Variants in RTN4R observed in about 807,000 individuals in gnomAD.
RTN4R encodes reticulon-4 receptor.
Under a neutral mutation model 27.7 loss-of-function variants are expected in RTN4R, and 4 were observed. The ratio of observed to expected loss-of-function variants is 0.14; its 90% CI spans 0.07 to 0.33. RTN4R has a LOEUF of 0.33. Ranked by LOEUF, RTN4R falls within the 10% of genes least tolerant of loss-of-function variation. The probability of loss-of-function intolerance (pLI) is 1.00; values close to 1 mark genes in which losing one functional copy is unlikely to be tolerated. For missense variants in RTN4R, 554 were observed against 671.5 expected, an observed-to-expected ratio of 0.83 and a Z score of 1.93; for synonymous variants, 290 against 305.6, an observed-to-expected ratio of 0.95 and a Z score of 0.53.
chr22:20,245,259 T>C (rs938920238), intron 1 of RTN4R, among the ~76,000 whole-genome samples: 4 of 152,088 alleles, frequency 2.6e-5, no homozygotes, highest in Admixed American at 2.6e-4. Context: ...CCGAGACAAC[T>C]GCTTTTCGTA....
At chr22:20,253,930 G>A (rs1271270778) in intron 1 of RTN4R, among the ~76,000 whole-genome samples, 3 of 152,180 alleles carry the variant, frequency 2.0e-5, no homozygotes, top group African/African-American at 7.2e-5. Flanking sequence ...AAATGAATGA[G>A]ATTTGGGAGA....
Position 20,241,943 on chromosome 22 carries a change from G to A in RTN4R, c.1190C>T (p.Ala397Val). ...TGGCTCGGAGCCCTCGGGCCGCACT[G>A]CAGTGAGCGGGGGCTCAGCAGAGCC... ...LPGSAEPPLT[A>V]VRPEGSEPPG... Residue 397 changes from alanine to valine, a missense_variant, in exon 2 of 2, where the codon GCA (alanine) becomes GTA (valine). Physicochemically the swap from Ala to Val is moderately conservative, Grantham distance 64 (BLOSUM62 0). Coordinates refer to ENST00000043402, the MANE Select transcript of RTN4R (RefSeq NM_023004.6). The A allele has an allele frequency of 1.2e-6, 2 of 1,608,474 alleles. No individual in the cohort carries two copies. The highest frequency in any genetic ancestry group is 1.1e-5 in the South Asian group (1 of 91,038).
intron 1 of RTN4R, among the ~76,000 whole-genome samples, chr22:20,262,358 T>G (rs879461138): frequency 3.3e-5 from 5 of 152,144 alleles, no homozygotes; most frequent in Non-Finnish European, 7.4e-5. Context: ...GCAGTCACCA[T>G]TCCCTCACTT....
Position 20,242,120 on chromosome 22 carries a change from G to C in RTN4R, c.1013C>G (p.Pro338Arg). ...EPLGLPKCCQPDAADKASVLE... is the reference protein window; with the variant it reads ...EPLGLPKCCQRDAADKASVLE... Reference sequence around the variant, plus strand: ...TACTGAGGCCTTGTCAGCGGCATCTGGCTGGCAGCACTTGGGAAGCCCCAG... The same window carrying C: ...TACTGAGGCCTTGTCAGCGGCATCTCGCTGGCAGCACTTGGGAAGCCCCAG... Residue 338 changes from proline (P) to arginine (R), a missense_variant, in exon 2 of 2, where the codon CCA (proline) becomes CGA (arginine). Pro to Arg is a moderately radical substitution (Grantham distance 103). Coordinates refer to ENST00000043402, the MANE Select transcript of RTN4R (RefSeq NM_023004.6). 6.2e-7 allele frequency: 1 copy of C among 1,612,214 alleles called. No individual in the cohort carries two copies. Among genetic ancestry groups the C allele is most frequent in the Non-Finnish European group, 8.5e-7 (1 of 1,179,498 alleles).
At chr22:20,251,580 CA>C (rs2051177140) in intron 1 of RTN4R, among the ~76,000 whole-genome samples, 2 of 151,158 alleles carry the variant, frequency 1.3e-5, no homozygotes, top group Non-Finnish European at 2.9e-5. Flanking sequence ...TCACCATCAT[CA>C]CCACCACTAT....
chr22:20,252,007 C>T (rs2051185582), intron 1 of RTN4R, among the ~76,000 whole-genome samples: 1 of 99,784 alleles, frequency 1.0e-5, no homozygotes, highest in African/African-American at 3.7e-5. Context: ...CCATCCTCAT[C>T]CTCATCACCA....
At position 20,255,519 on chromosome 22, in the gene RTN4R, G is replaced by A. The variant is rs1178912615; in HGVS notation, c.23-12409C>T. ...GACACTATGGGCTCTTGGCCCCAGA[G>A]ACTCTGCAATCCAGACACCCGAAGG... On this transcript the variant is annotated intron_variant, in intron 1 of 1. Transcript: ENST00000043402. The surrounding 1 kb of genome is among the most constrained non-coding windows in gnomAD (Gnocchi z 4.8). 6.6e-6 allele frequency among the ~76,000 whole-genome samples: 1 copy of A among 152,218 alleles called. No individual in the cohort carries two copies. The highest frequency in any genetic ancestry group is 2.4e-5 in the African/African-American group (1 of 41,454).
chr22:20,250,011 T>C (rs145579679), intron 1 of RTN4R, among the ~76,000 whole-genome samples: 1,603 of 152,252 alleles, frequency 0.011, 27 homozygotes, highest in African/African-American at 0.037. Flanking sequence ...CCACGGCACA[T>C]AAGCAGTGCC....
chr22:20,264,986 C>G (rs573648572), intron 1 of RTN4R, among the ~76,000 whole-genome samples: 1 of 152,320 alleles, frequency 6.6e-6, no homozygotes, highest in South Asian at 2.1e-4. Flanking sequence ...CCTGAAACTC[C>G]CCGTGTGCTT....
chr22:20,242,081 C>A lies in RTN4R; in HGVS notation c.1052G>T (p.Arg351Ile). 6.2e-7 allele frequency: 1 copy of A among 1,612,516 alleles called. No homozygotes were observed. The highest frequency in any genetic ancestry group is 2.2e-5 in the East Asian group (1 of 44,874). ...CAGCGCATTGCCTGCCGAAGCTGGT[C>A]TTCCAGGCTCCAGTACTGAGGCCTT... ...ADKASVLEPG[R>I]PASAGNALKG... The change falls in exon 2 of 2, where the codon AGA becomes ATA. Residue 351 changes from arginine (R) to isoleucine (I), a missense_variant. Around this residue, in one of 2 missense-constraint regions of RTN4R, gnomAD observed 413 missense variants for 542.3 expected, o/e 0.76. Transcript: ENST00000043402.
At chr22:20,266,637 A>G (rs1403201345) in intron 1 of RTN4R, among the ~76,000 whole-genome samples, 1 of 152,148 alleles carries the variant, frequency 6.6e-6, no homozygotes, top group Non-Finnish European at 1.5e-5. Context: ...GCCCACCATC[A>G]TCTATCTGCC....
chr22:20,257,514 G>A (rs1319492565), intron 1 of RTN4R, among the ~76,000 whole-genome samples: 1 of 152,194 alleles, frequency 6.6e-6, no homozygotes, highest in Non-Finnish European at 1.5e-5. Flanking sequence ...GTAAGGAGGT[G>A]GCTACCTGCA....
intron 1 of RTN4R, among the ~76,000 whole-genome samples, chr22:20,254,892 A>C (rs965946669): frequency 7.2e-5 from 11 of 152,194 alleles, no homozygotes; most frequent in African/African-American, 2.7e-4. Context: ...AAGGAAAACA[A>C]AAGGCCATGA....
intron 1 of RTN4R, chr22:20,249,154 C>T (rs376167250): frequency 1.9e-6 from 1 of 534,298 alleles, no homozygotes; most frequent in African/African-American, 1.9e-5. Flanking sequence ...AAGGGCTCAT[C>T]TTGGTCCTGC....
intron 1 of RTN4R, among the ~76,000 whole-genome samples, chr22:20,244,397 C>A (rs2051128119): frequency 6.6e-6 from 1 of 152,204 alleles, no homozygotes; most frequent in African/African-American, 2.4e-5. Context: ...AACGCAGAGC[C>A]CAGCAAGCCC....
At chr22:20,264,010 C>T (rs1602652725) in intron 1 of RTN4R, among the ~76,000 whole-genome samples, 1 of 11,058 alleles carries the variant, frequency 9.0e-5, no homozygotes, top group Non-Finnish European at 2.5e-4. Flanking sequence ...GGCCAGCCCA[C>T]GGTTGTCAAA....
At position 20,242,038 on chromosome 22, in the gene RTN4R, G is replaced by C; in HGVS notation, c.1095C>G (p.Pro365=). Residue 365 remains proline (P), a synonymous_variant, in exon 2 of 2, where the codon CCC becomes CCG. Transcript: ENST00000043402. ...AGNALKGRVP[P]GDSPPGNGSG... Reference sequence around the variant, plus strand: ...AGCCGTTGCCCGGCGGGCTGTCACCGGGCGGCACGCGTCCCTTCAGCGCAT... The same window carrying C: ...AGCCGTTGCCCGGCGGGCTGTCACCCGGCGGCACGCGTCCCTTCAGCGCAT... 1 of 1,612,084 alleles carries C rather than the reference G, an allele frequency of 6.2e-7. No homozygotes were observed. The highest frequency in any genetic ancestry group is 1.1e-5 in the South Asian group (1 of 91,056).
At chr22:20,249,681 C>G (rs1202464802) in intron 1 of RTN4R, among the ~76,000 whole-genome samples, 1 of 152,206 alleles carries the variant, frequency 6.6e-6, no homozygotes, top group Non-Finnish European at 1.5e-5. Flanking sequence ...ATGCGAGCCC[C>G]TCCCAGGAGC....
At chr22:20,258,510 T>C (rs535096925) in intron 1 of RTN4R, among the ~76,000 whole-genome samples, 1 of 152,234 alleles carries the variant, frequency 6.6e-6, no homozygotes, top group Non-Finnish European at 1.5e-5. Context: ...TGAGCATGAG[T>C]GACAGGCTGG....
Sources: gnomAD v4.1 joint callset for allele counts (sites outside exome capture counted in the v4.1 genomes callset) on GRCh38, gnomAD v4.1.1 for gene constraint, gnomAD v4.1.1 regional missense constraint, Gnocchi (gnomAD v3.1) non-coding constraint, MANE v1.5 for transcripts, NCBI Gene and HGNC (gene_info 2026-07-23, HGNC 2026-07-21) for gene names.